The following PDE1C variants were observed in gnomAD, a reference collection of about 807,000 sequenced individuals.
The protein encoded by PDE1C is dual specificity calcium/calmodulin-dependent 3',5'-cyclic nucleotide phosphodiesterase 1C.
PDE1C carries 62 observed loss-of-function variants against 93.1 expected under a neutral mutation model. The ratio of observed to expected loss-of-function variants is 0.67; its 90% CI spans 0.54 to 0.82. PDE1C has a LOEUF of 0.82. Among genes scored for constraint, PDE1C ranks in the 40% least tolerant of loss-of-function variants. PDE1C has a pLI of 0.00. For synonymous variants in PDE1C, 325 were observed against 310.1 expected (o/e 1.05, Z -0.50); for missense variants, 742 against 884.6 (o/e 0.84, Z 2.04).
At chr7:31,770,053 A>G (rs1795384909) in intron 17 of PDE1C, among the ~76,000 whole-genome samples, 1 of 152,188 alleles carries the variant, frequency 6.6e-6, no homozygotes, top group Non-Finnish European at 1.5e-5. Context: ...ATTTCACCAC[A>G]TCTTCACCAT....
At chr7:32,116,537 G>C (rs769835155) in intron 3 of PDE1C, among the ~76,000 whole-genome samples, 2 of 151,920 alleles carry the variant, frequency 1.3e-5, no homozygotes, top group Admixed American at 1.3e-4. Flanking sequence ...GCTCATAATA[G>C]GTGCATACAT....
intron 16 of PDE1C, among the ~76,000 whole-genome samples, chr7:31,794,107 GA>G (rs1435403490): frequency 2.0e-5 from 3 of 151,458 alleles, no homozygotes; most frequent in African/African-American, 7.3e-5. Flanking sequence ...TAGACAGATA[GA>G]TGGGCAGGCG....
chr7:32,387,763 G>A (rs1585137513), intron 1 of PDE1C, among the ~76,000 whole-genome samples: 18 of 128,486 alleles, frequency 1.4e-4, no homozygotes, highest in South Asian at 9.2e-4. Context: ...GCCGGGCAGA[G>A]GCGCCCCTCA....
chr7:31,647,673 CAAAAA>C, the PDE1C span, among the ~76,000 whole-genome samples: 3,746 of 69,510 alleles, frequency 0.054, 237 homozygotes, highest in African/African-American at 0.18. Flanking sequence ...GTCTCCGTCT[CAAAAA>C]AAAAAAAAAA....
intron 1 of PDE1C, among the ~76,000 whole-genome samples, chr7:32,370,317 C>T (rs143242013): frequency 0.065 from 9,890 of 151,868 alleles, 464 homozygotes; most frequent in South Asian, 0.22. Context: ...GGCGTGGTGG[C>T]GGGCGTCTGT....
intron 16 of PDE1C, chr7:31,788,519 C>G (rs1452125845): frequency 6.6e-6 from 1 of 152,172 alleles, no homozygotes; most frequent in Non-Finnish European, 1.5e-5. Flanking sequence ...TGCCTACCAA[C>G]TACCCTGTTT....
At chr7:32,061,033 C>T (rs1794742040) in intron 1 of PDE1C, among the ~76,000 whole-genome samples, 1 of 152,132 alleles carries the variant, frequency 6.6e-6, no homozygotes, top group Non-Finnish European at 1.5e-5. Context: ...CTGGAAGGAG[C>T]TTTCAAAGAT....
intron 2 of PDE1C, among the ~76,000 whole-genome samples, chr7:31,988,745 C>G (rs978696190): frequency 6.6e-6 from 1 of 151,976 alleles, no homozygotes; most frequent in South Asian, 2.1e-4. Flanking sequence ...GCCTGTAATC[C>G]CAGCACTTGG....
the PDE1C span, chr7:31,643,070 G>A: frequency 6.2e-7 from 1 of 1,613,944 alleles, no homozygotes; most frequent in Non-Finnish European, 8.5e-7. Flanking sequence ...CATCCTCTGG[G>A]GTTTATGGTA....
chr7:32,326,625 C>A (rs1348062210), intron 1 of PDE1C, among the ~76,000 whole-genome samples: 1 of 152,110 alleles, frequency 6.6e-6, no homozygotes, highest in Non-Finnish European at 1.5e-5. Context: ...TCACTGGTTA[C>A]CCTAACTAGT....
At chr7:32,366,060 C>T (rs1784224189) in intron 1 of PDE1C, among the ~76,000 whole-genome samples, 1 of 152,112 alleles carries the variant, frequency 6.6e-6, no homozygotes, top group Non-Finnish European at 1.5e-5. Context: ...AACACAATAA[C>T]TCTCCAATAA....
intron 6 of PDE1C, among the ~76,000 whole-genome samples, chr7:31,870,140 C>T (rs1443513931): frequency 6.6e-6 from 1 of 151,812 alleles, no homozygotes; most frequent in Non-Finnish European, 1.5e-5. Flanking sequence ...TAAATGTGTA[C>T]ATCCAAAAAG....
intron 3 of PDE1C, among the ~76,000 whole-genome samples, chr7:32,121,586 T>G (rs758282644): frequency 6.6e-6 from 1 of 152,136 alleles, no homozygotes; most frequent in Non-Finnish European, 1.5e-5. Flanking sequence ...TTTTCAACAT[T>G]CTTAAAAGAA....
rs544855359 is a variant in PDE1C, at chr7:31,842,260, T to C, written c.981-4289A>G. On this transcript the variant is annotated intron_variant, in intron 9 of 17. Transcript: ENST00000396191. ...TCATAAAATACATTAGTCTTTAACATTCCTTTTTATGAATTTTTTTCCAGA... is the reference window on the plus strand; with the variant it reads ...TCATAAAATACATTAGTCTTTAACACTCCTTTTTATGAATTTTTTTCCAGA... 3.1e-3 allele frequency among the ~76,000 whole-genome samples: 467 copies of C among 152,274 alleles called. 3 individuals carry two copies. The highest frequency in any genetic ancestry group is 0.01 in the African/African-American group (431 of 41,582).
the PDE1C span, chr7:31,708,005 G>A: frequency 6.6e-6 from 1 of 152,190 alleles, no homozygotes; most frequent in Non-Finnish European, 1.5e-5. Flanking sequence ...ACATTTGTGA[G>A]TTGTGTCACA....
intron 2 of PDE1C, among the ~76,000 whole-genome samples, chr7:31,947,381 C>A (rs564780294): frequency 6.6e-6 from 1 of 152,310 alleles, no homozygotes; most frequent in Admixed American, 6.5e-5. Flanking sequence ...CTAGCCTAGA[C>A]AAGTTTACAA....
intron 3 of PDE1C, among the ~76,000 whole-genome samples, chr7:32,169,139 A>G (rs1802486896): frequency 6.6e-6 from 1 of 152,202 alleles, no homozygotes; most frequent in African/African-American, 2.4e-5. Context: ...TGGGGAAAAA[A>G]AAATCACGTT....
chr7:32,139,133 G>A (rs896176135), intron 3 of PDE1C, among the ~76,000 whole-genome samples: 1 of 151,910 alleles, frequency 6.6e-6, no homozygotes, highest in African/African-American at 2.4e-5. Flanking sequence ...AAAAGAGGGA[G>A]TAATCAATCT....
At chr7:32,234,339 G>C (rs1218977703) in intron 1 of PDE1C, among the ~76,000 whole-genome samples, 1 of 151,858 alleles carries the variant, frequency 6.6e-6, no homozygotes, top group Non-Finnish European at 1.5e-5. Context: ...AAAAAGATCA[G>C]TAAAATTGAT....
Sources: gnomAD v4.1 joint callset for allele counts (sites outside exome capture counted in the v4.1 genomes callset) on GRCh38, gnomAD v4.1.1 for gene constraint, MANE v1.5 for transcripts, NCBI Gene and HGNC (gene_info 2026-07-23, HGNC 2026-07-21) for gene names.